The following DMD variants were observed in gnomAD, a reference collection of about 807,000 sequenced individuals.
DMD encodes dystrophin.
In DMD, 63 loss-of-function variants were observed where a neutral mutation model predicts 330.1. That is an observed-to-expected ratio of 0.19 (90% CI 0.16 to 0.24). The LOEUF is 0.24. Among genes scored for constraint, DMD ranks in the 10% least tolerant of loss-of-function variants. The probability of loss-of-function intolerance (pLI) is 1.00; values close to 1 mark genes in which losing one functional copy is unlikely to be tolerated. For synonymous variants in DMD, 1,223 were observed against 959.8 expected, an observed-to-expected ratio of 1.27 and a Z score of -5.07; for missense variants, 3,344 against 2,684.1, an observed-to-expected ratio of 1.25 and a Z score of -5.43.
At position 32,518,055 on chromosome X, in the gene DMD, T is replaced by C. The variant is rs771803281; in HGVS notation, c.2245A>G (p.Ile749Val). 112 of 1,208,602 alleles carry C rather than the reference T, an allele frequency of 9.3e-5. No individual in the cohort carries two copies. The highest frequency in any genetic ancestry group is 1.2e-4 in the Non-Finnish European group (109 of 894,022). The part of the protein sequence containing the change: ...EAVLQSPEFA[I>V]FRKEGNFSDL... ...GAGAAGTTGCCTTCCTTCCGAAAGA[T>C]TGCAAATTCAGGACTCTGCAACACA... Residue 749 changes from isoleucine to valine, a missense_variant, in exon 18 of 79, where the codon ATC becomes GTC. Physicochemically the swap from Ile to Val is conservative, Grantham distance 29. Coordinates refer to ENST00000357033, the MANE Select transcript of DMD (RefSeq NM_004006.3).
intron 47 of DMD, among the ~76,000 whole-genome samples, chrX:31,904,836 T>A (rs2094460503): frequency 8.9e-6 from 1 of 111,980 alleles, no homozygotes; most frequent in African/African-American, 3.2e-5. Context: ...TGTATCCTGA[T>A]ACTCTAAAGA....
intron 73 of DMD, among the ~76,000 whole-genome samples, chrX:31,171,113 G>A (rs1404442075): frequency 8.9e-6 from 1 of 112,190 alleles, no homozygotes; most frequent in Non-Finnish European, 1.9e-5. Flanking sequence ...TACTGTTGAA[G>A]TATCTTATAT....
chrX:31,159,158 C>T (rs2038518636), intron 74 of DMD, among the ~76,000 whole-genome samples: 1 of 112,014 alleles, frequency 8.9e-6, no homozygotes, highest in Non-Finnish European at 1.9e-5. Context: ...ATATGTAGGA[C>T]ACTGTCCCTT....
At chrX:31,289,945 G>C (rs1388399755) in intron 62 of DMD, among the ~76,000 whole-genome samples, 1 of 105,230 alleles carries the variant, frequency 9.5e-6, no homozygotes, top group Non-Finnish European at 1.9e-5. Flanking sequence ...ATTTGAGACA[G>C]AGTCTCACTC....
At chrX:31,441,130 T>G (rs1165741391) in intron 60 of DMD, among the ~76,000 whole-genome samples, 2 of 112,455 alleles carry the variant, frequency 1.8e-5, no homozygotes, top group African/African-American at 6.5e-5. Flanking sequence ...TTGCCCAAAT[T>G]TAAGACTCTT....
intron 44 of DMD, among the ~76,000 whole-genome samples, chrX:32,054,092 A>T (rs955881105): frequency 0.028 from 1,149 of 41,373 alleles, 11 homozygotes; most frequent in Non-Finnish European, 0.036. Context: ...TGTGTGTGAG[A>T]GAGAGAGAGA....
At chrX:32,931,607 G>T (rs6631682) in intron 2 of DMD, among the ~76,000 whole-genome samples, 34,641 of 109,916 alleles carry the variant, frequency 0.32, 4,198 homozygotes, top group African/African-American at 0.4. Context: ...GCTTATATAA[G>T]TATGTATTCA....
intron 7 of DMD, among the ~76,000 whole-genome samples, chrX:32,701,196 G>A (rs920907596): frequency 1.3e-4 from 15 of 111,538 alleles, no homozygotes; most frequent in South Asian, 7.4e-4. Flanking sequence ...GCTACATTTT[G>A]AATAAGGGCC....
intron 44 of DMD, among the ~76,000 whole-genome samples, chrX:32,179,582 A>G (rs2096920210): frequency 8.9e-6 from 1 of 112,095 alleles, no homozygotes; most frequent in African/African-American, 3.2e-5. Context: ...TAAATGGTAA[A>G]AAGGACGCCC....
At chrX:32,450,185 G>A (rs55743506) in intron 26 of DMD, among the ~76,000 whole-genome samples, 4,491 of 110,416 alleles carry the variant, frequency 0.041, 239 homozygotes, top group African/African-American at 0.14. Context: ...GTAGAAGTTG[G>A]GCCTGCATAC....
At chrX:32,416,480 T>G (rs147749282) in intron 29 of DMD, among the ~76,000 whole-genome samples, 208 of 112,073 alleles carry the variant, frequency 1.9e-3, no homozygotes, top group African/African-American at 6.4e-3. Context: ...AAAGAAGGAT[T>G]TTTGCCAATG....
chrX:32,621,127 T>C (rs2057955954), intron 11 of DMD, among the ~76,000 whole-genome samples: 2 of 110,790 alleles, frequency 1.8e-5, no homozygotes, highest in South Asian at 7.7e-4. Flanking sequence ...AGCAATTGAA[T>C]TGAGTCTGTA....
chrX:32,653,339 G>T (rs1287299960), intron 9 of DMD, among the ~76,000 whole-genome samples: 1 of 111,922 alleles, frequency 8.9e-6, no homozygotes, highest in African/African-American at 3.3e-5. Flanking sequence ...TTTGTATAAT[G>T]TGTAAGGAAG....
At chrX:32,260,707 T>C (rs1041238362) in intron 43 of DMD, among the ~76,000 whole-genome samples, 3 of 100,904 alleles carry the variant, frequency 3.0e-5, no homozygotes, top group African/African-American at 1.0e-4. Flanking sequence ...TTGCCTTCTT[T>C]TCCTTCATTT....
intron 77 of DMD, among the ~76,000 whole-genome samples, chrX:31,132,783 C>T (rs950794024): frequency 1.8e-5 from 2 of 110,363 alleles, no homozygotes; most frequent in Admixed American, 1.9e-4. Context: ...TTCTGTCAAG[C>T]CTGTGTATGA....
intron 62 of DMD, among the ~76,000 whole-genome samples, chrX:31,293,181 TGTGTGTGTGTGTAGTCTGGTTTA>T (rs1473858142): frequency 3.3e-4 from 29 of 87,923 alleles, no homozygotes; most frequent in Non-Finnish European, 3.9e-4. Flanking sequence ...TGTGTGTGTG[TGTGTGTGTGTGTAGTCTGGTTTA>T]GTGTGTGTGT....
intron 43 of DMD, among the ~76,000 whole-genome samples, chrX:32,236,570 C>A (rs371104377): frequency 1.3e-4 from 15 of 111,434 alleles, no homozygotes; most frequent in African/African-American, 4.6e-4. Flanking sequence ...CCTTCCCATG[C>A]TGTTCTCGTG....
intron 1 of DMD, among the ~76,000 whole-genome samples, chrX:33,237,949 T>C (rs1000193517): frequency 8.9e-6 from 1 of 112,186 alleles, no homozygotes; most frequent in Middle Eastern, 4.3e-3. Context: ...CTAAACATAA[T>C]AGTTGCCAAA....
At chrX:32,052,412 C>T (rs1016458329) in intron 44 of DMD, among the ~76,000 whole-genome samples, 1 of 111,229 alleles carries the variant, frequency 9.0e-6, no homozygotes, top group Non-Finnish European at 1.9e-5. Context: ...CTTATCACCC[C>T]TTAATTCAAA....
Sources: allele counts gnomAD v4.1 joint callset (sites outside exome capture counted in the v4.1 genomes callset), GRCh38; gene constraint gnomAD v4.1.1; transcripts MANE v1.5; gene names NCBI Gene and HGNC (gene_info 2026-07-23, HGNC 2026-07-21).